Variants in EYA4 observed in about 807,000 individuals in gnomAD.
The protein encoded by EYA4 is EYA transcriptional coactivator and phosphatase 4.
In EYA4, 31 loss-of-function variants were observed where a neutral mutation model predicts 87.9. The ratio of observed to expected loss-of-function variants is 0.35; its 90% confidence interval spans 0.27 to 0.48. EYA4 has a LOEUF of 0.48. Among genes scored for constraint, EYA4 ranks in the 20% least tolerant of loss-of-function variants. The pLI is 0.99. For synonymous variants in EYA4, 263 were observed against 270.6 expected (o/e 0.97, Z 0.28); for missense variants, 678 against 761.4 (o/e 0.89, Z 1.29).
intron 19 of EYA4, among the ~76,000 whole-genome samples, chr6:133,527,999 TTATAG>T (rs998677817): frequency 6.6e-6 from 1 of 152,172 alleles, no homozygotes; most frequent in African/African-American, 2.4e-5. Flanking sequence ...CTGTATACTA[TTATAG>T]TATATCTTTT....
intron 2 of EYA4, among the ~76,000 whole-genome samples, chr6:133,362,044 A>G (rs775646662): frequency 6.6e-6 from 1 of 152,234 alleles, no homozygotes; most frequent in Non-Finnish European, 1.5e-5. Flanking sequence ...ATTTGTAACC[A>G]CTATAGGTAG....
rs1230215463 is a variant in EYA4 at position 133,470,974 on chromosome 6, G to C, written c.970+2243G>C. On this transcript the variant is annotated intron_variant, in intron 11 of 19. Transcript: ENST00000355286. ...GAGACTTTGCTGAAGTTGCTTATCA[G>C]CTTAAGGAGATTTTGGGCTGAGACG... 9.0e-3 allele frequency among the ~76,000 whole-genome samples: 775 copies of C among 86,570 alleles called. 88 individuals are homozygous for C. The highest frequency in any genetic ancestry group is 0.03 in the African/African-American group (695 of 22,796). 56.8% of individuals were successfully genotyped at this position (86,570 alleles called of 152,430 possible). A position where few individuals can be genotyped will look rare whatever the true frequency, so the allele number is the denominator to read the frequency against.
intron 2 of EYA4, among the ~76,000 whole-genome samples, chr6:133,330,160 G>C (rs1781811479): frequency 6.6e-6 from 1 of 152,086 alleles, no homozygotes; most frequent in Admixed American, 6.5e-5. Context: ...TAGCAAAGTT[G>C]TGATATCCAC....
intron 3 of EYA4, among the ~76,000 whole-genome samples, chr6:133,396,505 A>C (rs182246831): frequency 1.3e-5 from 2 of 152,172 alleles, no homozygotes; most frequent in African/African-American, 4.8e-5. Context: ...ATTACATAGG[A>C]GCATCATGTG....
chr6:133,251,272 G>T (rs938021300), intron 1 of EYA4, among the ~76,000 whole-genome samples: 4 of 152,058 alleles, frequency 2.6e-5, no homozygotes, highest in Non-Finnish European at 4.4e-5. Context: ...TCAGCCGTAA[G>T]GTACCAATTA....
chr6:133,319,319 G>A (rs908578055), intron 2 of EYA4, among the ~76,000 whole-genome samples: 1 of 152,194 alleles, frequency 6.6e-6, no homozygotes, highest in Non-Finnish European at 1.5e-5. Context: ...TTAGAATTTA[G>A]AGGTACATAA....
intron 13 of EYA4, 53 bp from the exon 14 acceptor site, chr6:133,506,050 TTAA>T (rs1163776798): frequency 3.4e-5 from 34 of 1,010,834 alleles, no homozygotes; most frequent in Non-Finnish European, 4.9e-5. Context: ...TAAAATATTT[TTAA>T]TAATAAGCGC....
chr6:133,397,104 T>C (rs1231870652), intron 3 of EYA4, among the ~76,000 whole-genome samples: 1 of 152,224 alleles, frequency 6.6e-6, no homozygotes, highest in Admixed American at 6.5e-5. Context: ...AAGCATTCTC[T>C]TCTATAGCTT....
intron 3 of EYA4, among the ~76,000 whole-genome samples, chr6:133,429,928 T>G (rs1187991994): frequency 1.3e-5 from 2 of 152,242 alleles, no homozygotes; most frequent in Non-Finnish European, 2.9e-5. Flanking sequence ...ATGAGTAGAT[T>G]GTGTGATGCT....
rs917726089 is a variant in EYA4, at chr6:133,515,297, T to G, written c.1502-24T>G. On this transcript the variant is annotated intron_variant, in intron 16 of 19. Coordinates refer to ENST00000355286, the MANE Select transcript of EYA4 (RefSeq NM_004100.5). ...TGAGACAATATTCATCTCTCGACTCTGCCTTGGTTTTTTGGTGTTGCAGGA... is the reference window on the plus strand; with the variant it reads ...TGAGACAATATTCATCTCTCGACTCGGCCTTGGTTTTTTGGTGTTGCAGGA... 3 of 1,145,390 alleles carry G rather than the reference T, an allele frequency of 2.6e-6. No individual in the cohort carries two copies. The African/African-American group carries it at 4.5e-5, about 17-fold the overall frequency. The allele number at this position is 1,145,390 out of a possible 1,614,324, so 71.0% of individuals were successfully genotyped here.
chr6:133,352,895 T>A (rs2128428477), intron 2 of EYA4, among the ~76,000 whole-genome samples: 1 of 152,282 alleles, frequency 6.6e-6, no homozygotes, highest in Non-Finnish European at 1.5e-5. Flanking sequence ...AAGCTTCACA[T>A]GTCTTAGCTC....
chr6:133,484,370 T>C (rs1256117534), intron 13 of EYA4, among the ~76,000 whole-genome samples: 1 of 152,246 alleles, frequency 6.6e-6, no homozygotes, highest in Non-Finnish European at 1.5e-5. Context: ...AAGCTTTGTC[T>C]TCTGACAAGT....
At chr6:133,464,997 A>C (rs1794726447) in intron 10 of EYA4, 139 bp downstream of exon 10, 3 of 641,990 alleles carry the variant, frequency 4.7e-6, no homozygotes, top group Admixed American at 3.0e-5. Context: ...TCAGGATAGT[A>C]AAAAATTAGC....
intron 1 of EYA4, among the ~76,000 whole-genome samples, chr6:133,251,336 CT>C (rs1322154825): frequency 6.6e-6 from 1 of 151,798 alleles, no homozygotes; most frequent in Non-Finnish European, 1.5e-5. Context: ...TCAATGTAAA[CT>C]TTTTAAAAGG....
chr6:133,496,066 C>A (rs938330448), intron 13 of EYA4, among the ~76,000 whole-genome samples: 14 of 152,242 alleles, frequency 9.2e-5, no homozygotes, highest in African/African-American at 3.4e-4. Context: ...TAAGTTTAAT[C>A]CCTCAGTTCC....
intron 3 of EYA4, among the ~76,000 whole-genome samples, chr6:133,410,900 C>G (rs975719804): frequency 6.6e-6 from 1 of 151,990 alleles, no homozygotes; most frequent in Non-Finnish European, 1.5e-5. Flanking sequence ...ATCAAAGTAG[C>G]AGTACTGAAG....
intron 2 of EYA4, among the ~76,000 whole-genome samples, chr6:133,337,491 G>T (rs1250737732): frequency 6.6e-6 from 1 of 152,170 alleles, no homozygotes; most frequent in African/African-American, 2.4e-5. Context: ...CTGAAAGTGG[G>T]CAAGTTTGGG....
intron 3 of EYA4, among the ~76,000 whole-genome samples, chr6:133,446,219 T>TATC (rs1484838870): frequency 2.0e-5 from 3 of 152,190 alleles, no homozygotes; most frequent in Non-Finnish European, 4.4e-5. Flanking sequence ...TGGGTATGCA[T>TATC]ATCAGCTTAA....
intron 14 of EYA4, among the ~76,000 whole-genome samples, chr6:133,508,800 C>T (rs890619446): frequency 1.6e-4 from 25 of 152,064 alleles, no homozygotes; most frequent in Non-Finnish European, 3.4e-4. Flanking sequence ...AGTTCAGGTA[C>T]TATGTTATAT....
Sources: allele counts gnomAD v4.1 joint callset (sites outside exome capture counted in the v4.1 genomes callset), GRCh38; gene constraint gnomAD v4.1.1; transcripts MANE v1.5; gene names NCBI Gene and HGNC (gene_info 2026-07-23, HGNC 2026-07-21).